Variants in ARHGAP23 observed in about 807,000 individuals in gnomAD.
The protein encoded by ARHGAP23 is Rho GTPase activating protein 23, also known as rho GTPase-activating protein 23.
A neutral mutation model predicts 136.3 loss-of-function variants in ARHGAP23; 34 were observed. The observed-to-expected ratio is 0.25, with a 90% CI of 0.19 to 0.33. ARHGAP23 has a LOEUF of 0.33. Among genes scored for constraint, ARHGAP23 ranks in the 10% least tolerant of loss-of-function variants. The probability of loss-of-function intolerance (pLI) is 1.00; values close to 1 mark genes in which losing one functional copy is unlikely to be tolerated. For missense variants in ARHGAP23, 1,808 were observed against 2,139.0 expected (o/e 0.85, Z 3.05); for synonymous variants, 832 against 920.5 (o/e 0.90, Z 1.74).
intron 20 of ARHGAP23, 73 bp downstream of exon 20, chr17:38,491,605 T>A (rs559332555): frequency 6.5e-7 from 1 of 1,539,196 alleles, no homozygotes; most frequent in Non-Finnish European, 8.8e-7. Context: ...CCCTCGCTCT[T>A]GCTCCGCCTG....
rs546409083 is a variant in ARHGAP23 at position 38,466,468 on chromosome 17, C to T, written c.785C>T (p.Ser262Leu). 1,944 of 1,520,370 alleles carry T rather than the reference C, an allele frequency of 1.3e-3. 4 individuals carry two copies. The highest frequency in any genetic ancestry group is 1.4e-3 in the Non-Finnish European group (1,643 of 1,136,808). 94.2% of individuals were successfully genotyped at this position (1,520,370 alleles called of 1,614,324 possible). ...PSPGAFPHLS[S>L]EPRTPRAFPE... ...CCTGGTGCCTTCCCCCACCTCTCCT[C>T]GGAGCCCCGGACGCCCCGTGCCTTC... The change falls in exon 7 of 24, where the codon TCG becomes TTG. Residue 262 changes from serine to leucine, a missense_variant. Ser to Leu is a moderately radical substitution (Grantham distance 145, BLOSUM62 -2). Coordinates refer to ENST00000622683, the MANE Select transcript of ARHGAP23 (RefSeq NM_001199417.2).
In ARHGAP23 at chr17:38,458,097, C is replaced by T. The variant is rs781779085; in HGVS notation, c.64-5C>T. The T allele has an allele frequency of 5.9e-6, 9 of 1,536,024 alleles. No homozygotes were observed. In the South Asian group the frequency reaches 1.1e-4, roughly 18 times the overall value. ...CGCTCAGCCTGGCCTCTCTGTCTCC[C>T]ACAGCTGCCACTGGGCCCAAGAGAT... is the stretch of plus-strand genomic sequence containing the variant. On this transcript the variant is annotated splice_region_variant and splice_polypyrimidine_tract_variant and intron_variant, in intron 1 of 23. Coordinates refer to ENST00000622683, the MANE Select transcript of ARHGAP23 (RefSeq NM_001199417.2).
Position 38,510,511 on chromosome 17 carries a change from C to T in ARHGAP23, c.4015C>T (p.Arg1339Cys), listed in dbSNP as rs2040735912. The change falls in exon 24 of 24, where the codon CGC becomes TGC. Residue 1339 changes from arginine (R) to cysteine (C), a missense_variant. Physicochemically the swap from Arg to Cys is radical, Grantham distance 180. Transcript: ENST00000622683. The surrounding 1 kb of genome is among the most constrained non-coding windows in gnomAD (Gnocchi z 4.6). ...CGAGGGCGCGGGCCGGGGCGGTCCC[C>T]GCGCCCCGGAGCCGCCCGGCTCGGC... ...DGEGAGRGGP[R>C]APEPPGSASS... 1 of 1,138,058 alleles carries T rather than the reference C, an allele frequency of 8.8e-7. No homozygotes were observed. Among genetic ancestry groups the T allele is most frequent in the Non-Finnish European group, 1.1e-6 (1 of 929,594 alleles). The allele number at this position is 1,138,058 out of a possible 1,614,324, so 70.5% of individuals were successfully genotyped here. A position where few individuals can be genotyped will look rare whatever the true frequency, so the allele number is the denominator to read the frequency against.
At chr17:38,480,803 CAAAA>C (rs764004002) in intron 14 of ARHGAP23, among the ~76,000 whole-genome samples, 1 of 48,308 alleles carries the variant, frequency 2.1e-5, no homozygotes, top group Non-Finnish European at 4.2e-5. Context: ...GACCCTGTCT[CAAAA>C]AAAAAAAAAA....
In ARHGAP23 at chr17:38,511,935, TC is replaced by T. The variant is rs1480807238; in HGVS notation, c.*965del. On this transcript the variant is annotated 3_prime_UTR_variant, in exon 24 of 24. Transcript: ENST00000622683. ...ATTTATGGGGTCTGAGCTGGGCTGT[TC>T]CTGCAGGATGGACAGGACCCAGCGC... is the stretch of plus-strand genomic sequence containing the variant. 1.3e-5 allele frequency: 2 copies of T among 152,186 alleles called. No individual in the cohort carries two copies. Among genetic ancestry groups the T allele is most frequent in the South Asian group, 2.1e-4 (1 of 4,830 alleles). The allele number at this position is 152,186 out of a possible 1,614,324, so 9.4% of individuals were successfully genotyped here.
At chr17:38,502,984 G>T (rs1014239428) in intron 23 of ARHGAP23, among the ~76,000 whole-genome samples, 1 of 152,220 alleles carries the variant, frequency 6.6e-6, no homozygotes, top group Non-Finnish European at 1.5e-5. Flanking sequence ...GGTTGAGGCT[G>T]CAGTGATGAG....
chr17:38,474,939 G>A (rs2039857825), intron 11 of ARHGAP23, among the ~76,000 whole-genome samples: 1 of 152,130 alleles, frequency 6.6e-6, no homozygotes, highest in Admixed American at 6.5e-5. Flanking sequence ...AGGGTGGCTG[G>A]CTCCCCCTGC....
At chr17:38,452,398 C>T (rs976871778) in intron 1 of ARHGAP23, 2 of 152,174 alleles carry the variant, frequency 1.3e-5, no homozygotes, top group Admixed American at 1.3e-4. Context: ...GCTGCATCTG[C>T]TTGGTGCTCC....
At chr17:38,509,877 G>A (rs990420686) in intron 23 of ARHGAP23, 67 bp from the exon 24 acceptor site, 3 of 1,178,318 alleles carry the variant, frequency 2.5e-6, no homozygotes, top group Non-Finnish European at 3.2e-6. Flanking sequence ...GGGTGGACCG[G>A]GTAGAGCGGG....
chr17:38,494,169 G>A (rs1207996467), intron 20 of ARHGAP23, among the ~76,000 whole-genome samples: 1 of 152,174 alleles, frequency 6.6e-6, no homozygotes, highest in African/African-American at 2.4e-5. Context: ...TGGCTCTGGG[G>A]CCAGCCTGCT....
At chr17:38,470,926 T>C (rs375915532) in intron 10 of ARHGAP23, among the ~76,000 whole-genome samples, 1 of 151,572 alleles carries the variant, frequency 6.6e-6, no homozygotes, top group African/African-American at 2.4e-5. Context: ...TTTAAAATCA[T>C]ACATATATTT....
At chr17:38,458,301 T>G in intron 2 of ARHGAP23, 38 bp downstream of exon 2, 1 of 1,466,314 alleles carries the variant, frequency 6.8e-7, no homozygotes, top group South Asian at 1.4e-5. Flanking sequence ...CTGGGGAAGC[T>G]TTCATGAGGG....
At chr17:38,469,802 C>A in intron 9 of ARHGAP23, 45 bp from the exon 10 acceptor site, 1 of 1,549,116 alleles carries the variant, frequency 6.5e-7, no homozygotes, top group South Asian at 1.2e-5. Flanking sequence ...AGTGAGGTCC[C>A]AGCTTTGCTG....
rs941806840 is a variant in ARHGAP23, at chr17:38,458,686, G to A, written c.225+423G>A. Among the ~76,000 whole-genome samples, 6 of 152,270 alleles carry A rather than the reference G, an allele frequency of 3.9e-5. No individual in the cohort carries two copies. The South Asian group carries it at 1.0e-3, about 26-fold the overall frequency. The stretch of plus-strand genomic sequence containing the variant: ...TGGGGTTGCTCCTCCCCTCTCCAGC[G>A]TGAGCTCTCAGGGGCCTAGCCCACC... On this transcript the variant is annotated intron_variant, in intron 2 of 23. Transcript: ENST00000622683.
chr17:38,427,832 G>T (rs376850292), upstream of ARHGAP23, among the ~76,000 whole-genome samples: 197 of 152,304 alleles, frequency 1.3e-3, 1 homozygote, highest in African/African-American at 4.5e-3. Flanking sequence ...CCTACACTGA[G>T]GGGCACCCCG....
intron 1 of ARHGAP23, among the ~76,000 whole-genome samples, chr17:38,429,594 G>C (rs1412793340): frequency 6.6e-6 from 1 of 152,166 alleles, no homozygotes; most frequent in African/African-American, 2.4e-5. Flanking sequence ...TTTGGAGACT[G>C]GTGTGTTCCT....
intron 1 of ARHGAP23, among the ~76,000 whole-genome samples, chr17:38,445,051 C>T (rs2039001432): frequency 1.3e-5 from 2 of 152,070 alleles, no homozygotes; most frequent in South Asian, 4.1e-4. Flanking sequence ...CTCCTGACCT[C>T]AGGTGATCCA....
chr17:38,482,010 C>T lies in ARHGAP23; in HGVS notation c.2630-12C>T. 3.3e-6 allele frequency: 5 copies of T among 1,521,566 alleles called. No individual in the cohort carries two copies. Among genetic ancestry groups the T allele is most frequent in the Non-Finnish European group, 4.4e-6 (5 of 1,135,490 alleles). The allele number at this position is 1,521,566 out of a possible 1,614,324, so 94.3% of individuals were successfully genotyped here. On this transcript the variant is annotated splice_polypyrimidine_tract_variant and intron_variant, in intron 14 of 23. Coordinates refer to ENST00000622683, the MANE Select transcript of ARHGAP23 (RefSeq NM_001199417.2). ...ACCCCAGCTCACTCTGGCTCTGTCTCCCCCACTTCAGATGACAGTGCTGCA... is the reference window on the plus strand; with the variant it reads ...ACCCCAGCTCACTCTGGCTCTGTCTTCCCCACTTCAGATGACAGTGCTGCA...
At chr17:38,490,272 G>A in intron 18 of ARHGAP23, 97 bp downstream of exon 18, 2 of 1,332,264 alleles carry the variant, frequency 1.5e-6, no homozygotes, top group Non-Finnish European at 2.1e-6. Context: ...CACGACCCCT[G>A]TGGCCTTGGA....
Sources: allele counts gnomAD v4.1 joint callset (sites outside exome capture counted in the v4.1 genomes callset), GRCh38; gene constraint gnomAD v4.1.1; non-coding constraint Gnocchi (gnomAD v3.1); transcripts MANE v1.5; gene names NCBI Gene and HGNC (gene_info 2026-07-23, HGNC 2026-07-21).